The following MACROD2 variants were observed in gnomAD, a reference collection of about 807,000 sequenced individuals.
The protein encoded by MACROD2 is ADP-ribose glycohydrolase MACROD2.
Under a neutral mutation model 70.4 loss-of-function variants are expected in MACROD2, and 36 were observed. The ratio of observed to expected loss-of-function variants is 0.51; its 90% CI spans 0.39 to 0.68. MACROD2 has a LOEUF of 0.68. Ranked by LOEUF, MACROD2 falls within the 30% of genes least tolerant of loss-of-function variation. The pLI, the probability that MACROD2 is intolerant of heterozygous loss-of-function variation, is 0.00. For missense variants in MACROD2, 496 were observed against 538.4 expected, an observed-to-expected ratio of 0.92 and a Z score of 0.78; for synonymous variants, 172 against 178.8, an observed-to-expected ratio of 0.96 and a Z score of 0.30.
chr20:15,782,146 G>A (rs1395702059), intron 8 of MACROD2, among the ~76,000 whole-genome samples: 1 of 152,064 alleles, frequency 6.6e-6, no homozygotes, highest in Non-Finnish European at 1.5e-5. Flanking sequence ...TTGATACAGA[G>A]CAACGGTGTT....
intron 3 of MACROD2, among the ~76,000 whole-genome samples, chr20:14,386,026 ATT>A (rs3043703): frequency 0.28 from 41,857 of 152,018 alleles, 6,754 homozygotes; most frequent in East Asian, 0.57. Flanking sequence ...AATACAGCGT[ATT>A]TTTGTTAGGT....
chr20:14,263,550 G>T (rs1285642386), intron 3 of MACROD2, among the ~76,000 whole-genome samples: 1 of 152,100 alleles, frequency 6.6e-6, no homozygotes, highest in African/African-American at 2.4e-5. Context: ...AGCCTCCAGG[G>T]TCAAGCTTTG....
intron 3 of MACROD2, among the ~76,000 whole-genome samples, chr20:14,249,552 C>T (rs545970568): frequency 6.6e-6 from 1 of 152,056 alleles, no homozygotes; most frequent in Admixed American, 6.6e-5. Context: ...AGCTATGTCT[C>T]CAGCATCAAA....
intron 8 of MACROD2, among the ~76,000 whole-genome samples, chr20:15,671,935 TC>T: frequency 6.6e-6 from 1 of 152,174 alleles, no homozygotes; most frequent in East Asian, 1.9e-4. Context: ...GAAAATATTG[TC>T]CCAGAGAGGG....
intron 8 of MACROD2, among the ~76,000 whole-genome samples, chr20:15,847,489 T>G (rs1217908438): frequency 6.6e-6 from 1 of 152,224 alleles, no homozygotes; most frequent in East Asian, 1.9e-4. Flanking sequence ...AGGCTTTATT[T>G]TGACTGGCCT....
intron 3 of MACROD2, among the ~76,000 whole-genome samples, chr20:14,283,056 G>A (rs533482870): frequency 1.4e-4 from 22 of 152,278 alleles, no homozygotes; most frequent in African/African-American, 5.3e-4. Context: ...AATAGACCCT[G>A]CTTCTTGATG....
At chr20:14,050,706 A>G (rs1027844271) in intron 2 of MACROD2, among the ~76,000 whole-genome samples, 1 of 152,240 alleles carries the variant, frequency 6.6e-6, no homozygotes, top group Non-Finnish European at 1.5e-5. Context: ...TCAGAGGGCA[A>G]GGTAGCTAAA....
chr20:15,203,493 A>G (rs1280768830), intron 5 of MACROD2, among the ~76,000 whole-genome samples: 1 of 152,158 alleles, frequency 6.6e-6, no homozygotes, highest in Non-Finnish European at 1.5e-5. Flanking sequence ...TAAATTGAGC[A>G]TGAGAAATAT....
intron 4 of MACROD2, among the ~76,000 whole-genome samples, chr20:14,497,736 C>T (rs2084870099): frequency 6.6e-6 from 1 of 151,616 alleles, no homozygotes; most frequent in African/African-American, 2.4e-5. Flanking sequence ...TTATGACTGC[C>T]ATTTTAATCA....
chr20:15,552,282 T>G (rs2048109968), intron 8 of MACROD2: 1 of 152,222 alleles, frequency 6.6e-6, no homozygotes, highest in Non-Finnish European at 1.5e-5. Context: ...TTAGTTTTCT[T>G]GACCATTCTG....
intron 9 of MACROD2, among the ~76,000 whole-genome samples, 169 bp downstream of exon 9, chr20:15,862,995 G>A (rs2064445538): frequency 6.6e-6 from 1 of 151,246 alleles, no homozygotes; most frequent in Non-Finnish European, 1.5e-5. Flanking sequence ...CTAGGCTGTG[G>A]AACTCTTGCC....
At position 15,866,639 on chromosome 20, in the gene MACROD2, G is replaced by A. The variant is rs192822419; in HGVS notation, c.727+3813G>A. On this transcript the variant is annotated intron_variant, in intron 9 of 17. Transcript: ENST00000684519. ...GTTTTCTCAGAGCATCTTTAGAGAA[G>A]GCTGAGATCAACTTCCAGGCTGCAT... Among the ~76,000 whole-genome samples, 452 of 152,248 alleles carry A rather than the reference G, an allele frequency of 3.0e-3. 3 individuals are homozygous for A. The highest frequency in any genetic ancestry group is 6.8e-3 in the Middle Eastern group (2 of 292).
chr20:14,649,511 G>T (rs192189978), intron 4 of MACROD2, among the ~76,000 whole-genome samples: 1 of 152,124 alleles, frequency 6.6e-6, no homozygotes, highest in Non-Finnish European at 1.5e-5. Context: ...TCCCGAAGAG[G>T]AGTTTGCATT....
intron 5 of MACROD2, among the ~76,000 whole-genome samples, chr20:14,692,078 TA>T (rs560369202): frequency 6.6e-6 from 1 of 152,196 alleles, no homozygotes; most frequent in Non-Finnish European, 1.5e-5. Flanking sequence ...AGAAATATTC[TA>T]AAAACCAGAG....
chr20:14,714,619 GTC>G (rs1481149533), intron 5 of MACROD2, among the ~76,000 whole-genome samples: 1 of 152,124 alleles, frequency 6.6e-6, no homozygotes, highest in Non-Finnish European at 1.5e-5. Flanking sequence ...TAAAAACTGT[GTC>G]TCATTCTTTG....
At chr20:15,633,230 A>G (rs1409876813) in intron 8 of MACROD2, among the ~76,000 whole-genome samples, 1 of 149,948 alleles carries the variant, frequency 6.7e-6, no homozygotes, top group African/African-American at 2.5e-5. Flanking sequence ...TTTTTTTTTT[A>G]TTTCAAAATT....
intron 5 of MACROD2, among the ~76,000 whole-genome samples, chr20:15,202,958 T>C (rs2076669560): frequency 6.6e-6 from 1 of 152,166 alleles, no homozygotes; most frequent in East Asian, 1.9e-4. Context: ...ATTTTATTCC[T>C]GGCAACAGTG....
chr20:14,314,276 G>A (rs989460423), intron 3 of MACROD2, among the ~76,000 whole-genome samples: 11 of 152,134 alleles, frequency 7.2e-5, no homozygotes, highest in Admixed American at 1.3e-4. Flanking sequence ...TGTGTTGGGG[G>A]AGAGAGAGAA....
At chr20:14,135,151 TA>T (rs933998273) in intron 3 of MACROD2, among the ~76,000 whole-genome samples, 1 of 152,182 alleles carries the variant, frequency 6.6e-6, no homozygotes, top group Non-Finnish European at 1.5e-5. Context: ...GTAATTTACA[TA>T]ATCTATAAGC....
Sources: allele counts gnomAD v4.1 joint callset (sites outside exome capture counted in the v4.1 genomes callset), GRCh38; gene constraint gnomAD v4.1.1; transcripts MANE v1.5; gene names NCBI Gene and HGNC (gene_info 2026-07-23, HGNC 2026-07-21).